ZNF131: variants seen among roughly 807,000 people sequenced by gnomAD.
ZNF131 encodes zinc finger protein 131.
Under a neutral mutation model 60.0 loss-of-function variants are expected in ZNF131, and 7 were observed. The observed-to-expected ratio is 0.12, with a 90% CI of 0.07 to 0.22. ZNF131 has a LOEUF of 0.22. ZNF131 is among the 10% of genes least tolerant of loss of function. The pLI is 1.00. For missense variants in ZNF131, 493 were observed against 740.9 expected, an observed-to-expected ratio of 0.67 and a Z score of 3.88; for synonymous variants, 257 against 253.2, an observed-to-expected ratio of 1.01 and a Z score of -0.14.
chr5:43,139,086 T>C, intron 3 of ZNF131, 79 bp from the exon 4 acceptor site: 3 of 1,221,212 alleles, frequency 2.5e-6, no homozygotes, highest in Non-Finnish European at 2.2e-6. Context: ...CTCCAAGCCC[T>C]GGGCTTTTCT....
intron 3 of ZNF131, among the ~76,000 whole-genome samples, chr5:43,133,903 CAAAG>C (rs1353521275): frequency 2.0e-5 from 3 of 152,056 alleles, no homozygotes; most frequent in Non-Finnish European, 2.9e-5. Flanking sequence ...AACCTTCCAA[CAAAG>C]AAAAGCGTAG....
In ZNF131 at chr5:43,156,882, C is replaced by CA. The variant is rs77702882; in HGVS notation, c.372-4355dup. On this transcript the variant is annotated intron_variant, in intron 4 of 6. Coordinates refer to ENST00000682664, the MANE Select transcript of ZNF131 (RefSeq NM_001330707.2). ...TGAGACCTTGTCTCTCTACCCCCAC[C>CA]AAAAAAAAAAAATTACACCTTAATT... Among the ~76,000 whole-genome samples, 375 of 144,060 alleles carry CA rather than the reference C, an allele frequency of 2.6e-3. 1 individual carries two copies. The highest frequency in any genetic ancestry group is 7.6e-3 in the African/African-American group (302 of 39,482). 94.5% of individuals were successfully genotyped at this position (144,060 alleles called of 152,430 possible).
chr5:43,126,577 G>A (rs1020506368), intron 3 of ZNF131, among the ~76,000 whole-genome samples: 3 of 151,866 alleles, frequency 2.0e-5, no homozygotes, highest in African/African-American at 7.2e-5. Context: ...GTTCTTTGGT[G>A]AGAAAACTGG....
At chr5:43,144,218 G>A (rs1468754715) in intron 4 of ZNF131, among the ~76,000 whole-genome samples, 4 of 145,062 alleles carry the variant, frequency 2.8e-5, no homozygotes, top group African/African-American at 1.0e-4. Context: ...CACGGCGCCT[G>A]GCCTTTTTTT....
intron 5 of ZNF131, among the ~76,000 whole-genome samples, chr5:43,166,152 T>G (rs6862639): frequency 6.6e-6 from 1 of 152,042 alleles, no homozygotes; most frequent in Non-Finnish European, 1.5e-5. Context: ...CACTCTTTCT[T>G]CATAAGCAGT....
intron 6 of ZNF131, among the ~76,000 whole-genome samples, 168 bp downstream of exon 6, chr5:43,173,616 C>T (rs1179502368): frequency 1.3e-5 from 2 of 151,934 alleles, no homozygotes; most frequent in African/African-American, 4.8e-5. Context: ...TTTTTTTTAA[C>T]CCAACCCTAG....
intron 4 of ZNF131, among the ~76,000 whole-genome samples, chr5:43,147,993 G>T (rs1322736286): frequency 6.6e-6 from 1 of 150,636 alleles, no homozygotes; most frequent in Non-Finnish European, 1.5e-5. Flanking sequence ...GGCAGAGGTT[G>T]CAGTGAGCCA....
At chr5:43,157,045 A>G (rs1043482117) in intron 4 of ZNF131, among the ~76,000 whole-genome samples, 3 of 152,182 alleles carry the variant, frequency 2.0e-5, no homozygotes, top group Admixed American at 6.5e-5. Context: ...CTTCATCAGC[A>G]TTGTAAACCC....
chr5:43,149,799 T>C (rs1224078487), intron 4 of ZNF131, among the ~76,000 whole-genome samples: 1 of 145,334 alleles, frequency 6.9e-6, no homozygotes, highest in Non-Finnish European at 1.6e-5. Context: ...TATTTTTTAA[T>C]CGGCTTTTTT....
chr5:43,170,635 CTTTT>C (rs35855782), intron 5 of ZNF131, among the ~76,000 whole-genome samples: 1 of 141,440 alleles, frequency 7.1e-6, no homozygotes, highest in Non-Finnish European at 1.5e-5. Flanking sequence ...TCTTTGTCCC[CTTTT>C]TTTTTTTTTT....
At chr5:43,128,031 A>G (rs1744775667) in intron 3 of ZNF131, among the ~76,000 whole-genome samples, 1 of 152,182 alleles carries the variant, frequency 6.6e-6, no homozygotes, top group Non-Finnish European at 1.5e-5. Context: ...AGTTGCAGGG[A>G]TTCCCTGAGT....
chr5:43,125,430 A>G (rs1157420676), intron 3 of ZNF131, among the ~76,000 whole-genome samples: 1 of 149,250 alleles, frequency 6.7e-6, no homozygotes, highest in Non-Finnish European at 1.5e-5. Context: ...AAGTGCTGGG[A>G]TTACAGGCGT....
At position 43,143,243 on chromosome 5, in the gene ZNF131, C is replaced by T. The variant is rs6891509; in HGVS notation, c.371+3934C>T. 1.9e-3 allele frequency: 712 copies of T among 372,878 alleles called. 1 individual carries two copies. Among genetic ancestry groups the T allele is most frequent in the African/African-American group, 0.015 (674 of 46,124 alleles). The allele number at this position is 372,878 out of a possible 1,614,324, so 23.1% of individuals were successfully genotyped here. A position where few individuals can be genotyped will look rare whatever the true frequency, so the allele number is the denominator to read the frequency against. The stretch of plus-strand genomic sequence containing the variant: ...TTCACCATGTTGGCCAGGATGGTCT[C>T]ATCTCTTTACCTTGTGATCTGCCCG... On this transcript the variant is annotated intron_variant, in intron 4 of 6. Coordinates refer to ENST00000682664, the MANE Select transcript of ZNF131 (RefSeq NM_001330707.2).
intron 3 of ZNF131, among the ~76,000 whole-genome samples, chr5:43,125,821 T>G (rs1023925798): frequency 3.3e-5 from 5 of 152,054 alleles, no homozygotes; most frequent in African/African-American, 1.2e-4. Context: ...CTGGAATATT[T>G]GTTGCTGGTA....
At chr5:43,163,689 T>TA in intron 5 of ZNF131, among the ~76,000 whole-genome samples, 1 of 152,242 alleles carries the variant, frequency 6.6e-6, no homozygotes. Context: ...GAGCAGTTAA[T>TA]ACAGCATGCT....
Position 43,175,507 on chromosome 5 carries a change from T to G in ZNF131, c.*374T>G, listed in dbSNP as rs1184235736. The G allele has an allele frequency of 1.4e-6, 1 of 698,252 alleles. No homozygotes were observed. The highest frequency in any genetic ancestry group is 2.6e-6 in the Non-Finnish European group (1 of 383,782). 43.3% of individuals were successfully genotyped at this position (698,252 alleles called of 1,614,324 possible). Reference sequence around the variant, plus strand: ...ATATTGTAAAATCAAACTTAAATCATTAGAATACAAGTTTATGTATTCTAA... The same window carrying G: ...ATATTGTAAAATCAAACTTAAATCAGTAGAATACAAGTTTATGTATTCTAA... On this transcript the variant is annotated 3_prime_UTR_variant, in exon 7 of 7. Transcript: ENST00000682664.
At chr5:43,147,522 A>C (rs886422333) in intron 4 of ZNF131, among the ~76,000 whole-genome samples, 2 of 151,386 alleles carry the variant, frequency 1.3e-5, no homozygotes, top group Non-Finnish European at 2.9e-5. Context: ...GGTTCACGCC[A>C]TTCTCCTGCC....
intron 5 of ZNF131, among the ~76,000 whole-genome samples, chr5:43,171,194 C>T (rs112119193): frequency 0.18 from 26,980 of 152,054 alleles, 2,834 homozygotes; most frequent in Middle Eastern, 0.34. Context: ...GTGATCCACC[C>T]GCCTCGGTCT....
Position 43,161,512 on chromosome 5 carries a change from C to A in ZNF131, c.635C>A (p.Ala212Glu), listed in dbSNP as rs772059737. The A allele has an allele frequency of 6.2e-7, 1 of 1,614,248 alleles. No individual in the cohort carries two copies. ...GGTTCCTCTGATGATTCTGCTCTAGCACTGTTGGCAGATATTACCAGCAAG... is the reference window on the plus strand; with the variant it reads ...GGTTCCTCTGATGATTCTGCTCTAGAACTGTTGGCAGATATTACCAGCAAG... Reference protein sequence around the residue: ...STGSSDDSALALLADITSKYR... With the variant: ...STGSSDDSALELLADITSKYR... The change falls in exon 5 of 7, where the codon GCA becomes GAA. Residue 212 changes from alanine to glutamate, a missense_variant. Ala to Glu is a moderately radical substitution (Grantham distance 107, BLOSUM62 -1). Transcript: ENST00000682664.
Sources: allele counts gnomAD v4.1 joint callset (sites outside exome capture counted in the v4.1 genomes callset), GRCh38; gene constraint gnomAD v4.1.1; transcripts MANE v1.5; gene names NCBI Gene and HGNC (gene_info 2026-07-23, HGNC 2026-07-21).